EIPR1: variants seen among roughly 807,000 people sequenced by gnomAD.
The protein encoded by EIPR1 is EARP complex and GARP complex interacting protein 1.
EIPR1 carries 25 observed loss-of-function variants against 48.1 expected under a neutral mutation model. That is an observed-to-expected ratio of 0.52 (90% CI 0.38 to 0.73). The LOEUF (loss-of-function observed/expected upper bound fraction) is 0.73. Ranked by LOEUF, EIPR1 falls within the 30% of genes least tolerant of loss-of-function variation. EIPR1 has a pLI of 0.00. For missense variants in EIPR1, 415 were observed against 506.2 expected, an observed-to-expected ratio of 0.82 and a Z score of 1.73; for synonymous variants, 204 against 201.9, an observed-to-expected ratio of 1.01 and a Z score of -0.09.
intron 3 of EIPR1, among the ~76,000 whole-genome samples, chr2:3,330,436 G>A (rs1468307920): frequency 6.6e-6 from 1 of 152,208 alleles, no homozygotes; most frequent in East Asian, 1.9e-4. Context: ...GCCCTCTGTT[G>A]ATTGAGAGGC....
chr2:3,274,638 TA>T (rs958106237), intron 3 of EIPR1, among the ~76,000 whole-genome samples: 258 of 144,646 alleles, frequency 1.8e-3, no homozygotes, highest in African/African-American at 4.4e-3. Flanking sequence ...AATTCGAAGT[TA>T]AAAAAAAAAA....
At chr2:3,241,105 C>A (rs1666605328) in intron 4 of EIPR1, among the ~76,000 whole-genome samples, 1 of 149,384 alleles carries the variant, frequency 6.7e-6, no homozygotes, top group Non-Finnish European at 1.5e-5. Context: ...GCAAAGCCAG[C>A]AGATCCTTCC....
chr2:3,260,539 G>GAGGA (rs1268266522), intron 3 of EIPR1, among the ~76,000 whole-genome samples: 2 of 135,672 alleles, frequency 1.5e-5, no homozygotes, highest in Non-Finnish European at 3.2e-5. Flanking sequence ...GGGAGGGAGG[G>GAGGA]AAGGAGGGAA....
rs569773637 is a variant in EIPR1, at chr2:3,377,242, A to C, written c.42+406T>G. ...GGTGGAGGGTAAAGAAGAACTTTCT[A>C]TGTATTTTTACAACTCTTCTAAATA... On this transcript the variant is annotated intron_variant, in intron 1 of 8. Transcript: ENST00000382125. 3.3e-5 allele frequency: 6 copies of C among 184,240 alleles called. No individual in the cohort carries two copies. In the East Asian group the frequency reaches 8.3e-4, roughly 25 times the overall value. The allele number at this position is 184,240 out of a possible 1,614,324, so 11.4% of individuals were successfully genotyped here. A position where few individuals can be genotyped will look rare whatever the true frequency, so the allele number is the denominator to read the frequency against.
intron 3 of EIPR1, among the ~76,000 whole-genome samples, chr2:3,334,886 C>T (rs1669999047): frequency 6.6e-6 from 1 of 152,218 alleles, no homozygotes; most frequent in African/African-American, 2.4e-5. Flanking sequence ...CTCTGGAAGC[C>T]ACGACTGGAA....
At chr2:3,373,249 C>T (rs894515362) in intron 1 of EIPR1, among the ~76,000 whole-genome samples, 2 of 151,398 alleles carry the variant, frequency 1.3e-5, no homozygotes, top group African/African-American at 4.9e-5. Flanking sequence ...TAAGAGCTAT[C>T]TATGACAAAC....
chr2:3,376,285 G>A (rs115312926), intron 1 of EIPR1, among the ~76,000 whole-genome samples: 2,157 of 152,220 alleles, frequency 0.014, 49 homozygotes, highest in African/African-American at 0.05. Context: ...CAAGGAAACC[G>A]AGGCCCAAGG....
intron 3 of EIPR1, among the ~76,000 whole-genome samples, chr2:3,294,803 C>T (rs1368148551): frequency 7.1e-6 from 1 of 141,824 alleles, no homozygotes; most frequent in South Asian, 2.4e-4. Context: ...CTCCATCCAG[C>T]CCATCCTCTC....
chr2:3,280,730 TAGAGGTGATGGCACCC>T (rs941338972), intron 3 of EIPR1, among the ~76,000 whole-genome samples: 1 of 152,158 alleles, frequency 6.6e-6, no homozygotes, highest in East Asian at 1.9e-4. Context: ...ATATGGCTCC[TAGAGGTGATGGCACCC>T]AGAGGGACAT....
intron 4 of EIPR1, among the ~76,000 whole-genome samples, chr2:3,233,835 T>C (rs1666317311): frequency 6.6e-6 from 1 of 152,204 alleles, no homozygotes; most frequent in Non-Finnish European, 1.5e-5. Context: ...ATAGAGAAGT[T>C]ACTTACTTTT....
chr2:3,366,574 CA>C (rs1282358918), intron 1 of EIPR1, among the ~76,000 whole-genome samples: 1 of 152,012 alleles, frequency 6.6e-6, no homozygotes, highest in Admixed American at 6.5e-5. Flanking sequence ...AAAACATCCA[CA>C]AAACAATAAA....
intron 1 of EIPR1, among the ~76,000 whole-genome samples, chr2:3,360,817 C>A (rs34978729): frequency 1.2e-4 from 19 of 152,176 alleles, no homozygotes; most frequent in African/African-American, 4.6e-4. Context: ...GCAGATGAAC[C>A]TGCTCTCCTA....
intron 3 of EIPR1, among the ~76,000 whole-genome samples, chr2:3,316,758 C>T (rs1032157707): frequency 6.6e-6 from 1 of 152,228 alleles, no homozygotes; most frequent in African/African-American, 2.4e-5. Flanking sequence ...GCAGAACAGA[C>T]GCTAGCCAGG....
At chr2:3,328,829 A>G (rs1226616359) in intron 3 of EIPR1, among the ~76,000 whole-genome samples, 1 of 130,514 alleles carries the variant, frequency 7.7e-6, no homozygotes, top group Non-Finnish European at 1.6e-5. Context: ...CCACGCTCTA[A>G]TGATCTCAGG....
chr2:3,321,428 A>T (rs1669526260), intron 3 of EIPR1, among the ~76,000 whole-genome samples: 1 of 152,156 alleles, frequency 6.6e-6, no homozygotes, highest in Non-Finnish European at 1.5e-5. Flanking sequence ...CAGGCACTTG[A>T]CGATGAGGCT....
chr2:3,299,538 A>C (rs1668702606), intron 3 of EIPR1, among the ~76,000 whole-genome samples: 1 of 151,636 alleles, frequency 6.6e-6, no homozygotes, highest in South Asian at 2.1e-4. Context: ...CATACTATTG[A>C]CTTTGACACT....
Position 3,377,673 on chromosome 2 carries a change from G to A in EIPR1, c.17C>T (p.Pro6Leu), listed in dbSNP as rs767907611. The part of the protein sequence containing the change: MEDDA[P>L]VIYGLEFQAR... ...CTGGAACTCCAGCCCGTAGATCACTGGTGCATCGTCCTCCATGCTGCGGGG... is the reference window on the plus strand; with the variant it reads ...CTGGAACTCCAGCCCGTAGATCACTAGTGCATCGTCCTCCATGCTGCGGGG... Residue 6 changes from proline to leucine, a missense_variant, in exon 1 of 9, where the codon CCA becomes CTA. Physicochemically the swap from Pro to Leu is moderately conservative, Grantham distance 98 (BLOSUM62 -3). Transcript: ENST00000382125. 3.2e-6 allele frequency: 5 copies of A among 1,582,334 alleles called. No individual in the cohort carries two copies. Among genetic ancestry groups the A allele is most frequent in the Admixed American group, 1.8e-5 (1 of 56,008 alleles).
intron 4 of EIPR1, among the ~76,000 whole-genome samples, chr2:3,220,510 T>G (rs1558232441): frequency 6.6e-6 from 1 of 151,774 alleles, no homozygotes; most frequent in African/African-American, 2.4e-5. Context: ...AGAGCATTTA[T>G]AGAGTCAGGT....
At chr2:3,278,098 A>C (rs1354013074) in intron 3 of EIPR1, among the ~76,000 whole-genome samples, 1 of 151,878 alleles carries the variant, frequency 6.6e-6, no homozygotes, top group Non-Finnish European at 1.5e-5. Flanking sequence ...GTTGAACTTC[A>C]CCTGGTCCCA....
Sources: gnomAD v4.1 joint callset for allele counts (sites outside exome capture counted in the v4.1 genomes callset) on GRCh38, gnomAD v4.1.1 for gene constraint, MANE v1.5 for transcripts, NCBI Gene and HGNC (gene_info 2026-07-23, HGNC 2026-07-21) for gene names.